Variants in CFAP99 observed in about 807,000 individuals in gnomAD.
CFAP99 encodes cilia- and flagella-associated protein 99.
Under a neutral mutation model 82.7 loss-of-function variants are expected in CFAP99, and 84 were observed. The observed-to-expected ratio is 1.02, with a 90% CI of 0.85 to 1.22. The LOEUF (loss-of-function observed/expected upper bound fraction) is 1.22, where lower values mean the gene tolerates loss of function less well. Ranked by LOEUF, CFAP99 falls within the 50% of genes most tolerant of loss-of-function variation. The pLI is 0.00. For synonymous variants in CFAP99, 456 were observed against 429.5 expected, an observed-to-expected ratio of 1.06 and a Z score of -0.76; for missense variants, 1,059 against 983.5, an observed-to-expected ratio of 1.08 and a Z score of -1.03.
intron 14 of CFAP99, among the ~76,000 whole-genome samples, chr4:2,461,419 C>CA: frequency 6.6e-6 from 1 of 152,362 alleles, no homozygotes; most frequent in South Asian, 2.1e-4. Flanking sequence ...GAGAGCCCTT[C>CA]ACTGTTGGTC....
chr4:2,441,304 C>T (rs557713253), intron 4 of CFAP99, among the ~76,000 whole-genome samples: 10 of 139,476 alleles, frequency 7.2e-5, no homozygotes, highest in Admixed American at 1.6e-4. Context: ...ACCTGGGAGG[C>T]GGAGGTTGCA....
At chr4:2,450,142 T>C (rs1578478501) in intron 8 of CFAP99, 137 bp downstream of exon 8, 3 of 861,172 alleles carry the variant, frequency 3.5e-6, no homozygotes, top group Non-Finnish European at 3.7e-6. Flanking sequence ...GGATTCCCAG[T>C]AGCACTGGGA....
At chr4:2,432,381 GT>G (rs1733817009) in intron 2 of CFAP99, among the ~76,000 whole-genome samples, 1 of 152,192 alleles carries the variant, frequency 6.6e-6, no homozygotes, top group Admixed American at 6.5e-5. Context: ...GCAAAATATG[GT>G]TTTAGCTGGA....
chr4:2,450,098 T>C (rs1005940703), intron 8 of CFAP99, 93 bp downstream of exon 8: 54 of 1,282,834 alleles, frequency 4.2e-5, no homozygotes, highest in Admixed American at 1.2e-4. Context: ...TGACCACTTA[T>C]GTAGCCTTTT....
Position 2,462,779 on chromosome 4 carries a change from T to C in CFAP99, c.1998T>C (p.Pro666=). 1 of 1,272,834 alleles carries C rather than the reference T, an allele frequency of 7.9e-7. No individual in the cohort carries two copies. 78.8% of individuals were successfully genotyped at this position (1,272,834 alleles called of 1,614,324 possible). Residue 666 remains proline, a synonymous_variant, in exon 15 of 15, where the codon CCT becomes CCC. Transcript: ENST00000635017. The surrounding 1 kb of genome is among the most constrained non-coding windows in gnomAD (Gnocchi z 4.1). Reference sequence around the variant, plus strand: ...GCGCGGGAGGCGGTGGGGGCGTCCCTGCCCGCGCCGACGCGTTCCCCGGCC... The same window carrying C: ...GCGCGGGAGGCGGTGGGGGCGTCCCCGCCCGCGCCGACGCGTTCCCCGGCC...
Position 2,462,572 on chromosome 4 carries a change from G to T in CFAP99, c.1791G>T (p.Val597=), listed in dbSNP as rs564322331. The T allele has an allele frequency of 3.5e-6, 5 of 1,437,480 alleles. No individual in the cohort carries two copies. The highest frequency in any genetic ancestry group is 6.2e-5 in the East Asian group (2 of 32,504). The allele number at this position is 1,437,480 out of a possible 1,614,324, so 89.0% of individuals were successfully genotyped here. Residue 597 remains valine (V), a synonymous_variant, in exon 15 of 15, where the codon GTG becomes GTT. Transcript: ENST00000635017. This position sits in a 1 kb window ranked among gnomAD's most constrained non-coding sequence, Gnocchi z 4.1. ...GCAGGCAGGCGGCCTTGCTGCACGT[G>T]TCGGCGCCGCGGACCGCGCGCCCCA...
Position 2,446,678 on chromosome 4 carries a change from C to A in CFAP99, c.642+1370C>A, listed in dbSNP as rs527430499. Among the ~76,000 whole-genome samples, 53 of 152,318 alleles carry A rather than the reference C, an allele frequency of 3.5e-4. 1 individual carries two copies. In the South Asian group the frequency reaches 0.011, roughly 30 times the overall value. On this transcript the variant is annotated intron_variant, in intron 6 of 14. Coordinates refer to ENST00000635017, the Ensembl canonical transcript of CFAP99. This position sits in a 1 kb window ranked among gnomAD's most constrained non-coding sequence, Gnocchi z 5.0. Reference sequence around the variant, plus strand: ...GTGCTGGGATTACAGGCGTAAGCCACCACACCTGGCCATTATTGGTCCCAT... The same window carrying A: ...GTGCTGGGATTACAGGCGTAAGCCAACACACCTGGCCATTATTGGTCCCAT...
chr4:2,426,330 G>T, intron 1 of CFAP99, 129 bp from the exon 2 acceptor site: 1 of 650,450 alleles, frequency 1.5e-6, no homozygotes, highest in African/African-American at 1.8e-5. Flanking sequence ...CCTAGCCAGG[G>T]CCCCCAGTCA....
At chr4:2,421,916 G>T (rs902659184) in intron 1 of CFAP99, among the ~76,000 whole-genome samples, 1 of 151,980 alleles carries the variant, frequency 6.6e-6, no homozygotes, top group African/African-American at 2.4e-5. Flanking sequence ...AATTAGTCGG[G>T]CGTGGTAGTA....
At chr4:2,421,347 AC>A (rs1733579616) in intron 1 of CFAP99, among the ~76,000 whole-genome samples, 1 of 104,142 alleles carries the variant, frequency 9.6e-6, no homozygotes, top group African/African-American at 3.5e-5. Flanking sequence ...TAGTCTGCCC[AC>A]CCTTTTTTTT....
In CFAP99 at chr4:2,462,420, G is replaced by A. The variant is rs545890247; in HGVS notation, c.1662-23G>A. The A allele has an allele frequency of 6.7e-5, 94 of 1,411,540 alleles. No homozygotes were observed. In the African/African-American group the frequency reaches 1.1e-3, roughly 16 times the overall value. 87.4% of individuals were successfully genotyped at this position (1,411,540 alleles called of 1,614,324 possible). On this transcript the variant is annotated intron_variant, in intron 14 of 14. Transcript: ENST00000635017. This position sits in a 1 kb window ranked among gnomAD's most constrained non-coding sequence, Gnocchi z 4.1. ...CTGGGCCTCCCGCCGGCCTGCTCCT[G>A]AGCCCGCCGCGTCGCCCGCCAGGTG...
chr4:2,421,005 A>G (rs903716000), intron 1 of CFAP99, among the ~76,000 whole-genome samples: 1 of 152,190 alleles, frequency 6.6e-6, no homozygotes, highest in Non-Finnish European at 1.5e-5. Flanking sequence ...CCATCTTTCA[A>G]TTGGGCAGCA....
chr4:2,435,237 C>T (rs1733882669), intron 2 of CFAP99, among the ~76,000 whole-genome samples: 1 of 146,810 alleles, frequency 6.8e-6, no homozygotes, highest in Admixed American at 6.9e-5. Flanking sequence ...GCGGAGGTTG[C>T]AGTGAGCTGA....
intron 4 of CFAP99, among the ~76,000 whole-genome samples, chr4:2,440,038 C>G (rs1733998391): frequency 6.6e-6 from 1 of 151,954 alleles, no homozygotes; most frequent in Non-Finnish European, 1.5e-5. Context: ...GACAGGGTTT[C>G]ACCATGTTGG....
chr4:2,426,893 C>T lies in CFAP99; in HGVS notation c.111+307C>T, dbSNP rs1011218771. ...GCCCTGGAGCGCCCCCATGCCCCAC[C>T]CCCACTTTGGGGGGCATCTTATCTC... On this transcript the variant is annotated intron_variant, in intron 2 of 14. Transcript: ENST00000635017. 18 of 317,898 alleles carry T rather than the reference C, an allele frequency of 5.7e-5. No homozygotes were observed. The Admixed American group carries it at 6.2e-4, about 11-fold the overall frequency. 19.7% of individuals were successfully genotyped at this position (317,898 alleles called of 1,614,324 possible). A position where few individuals can be genotyped will look rare whatever the true frequency, so the allele number is the denominator to read the frequency against.
rs181373713 is a variant in CFAP99, at chr4:2,446,184, C to T, written c.642+876C>T. On this transcript the variant is annotated intron_variant, in intron 6 of 14. Transcript: ENST00000635017. The surrounding 1 kb of genome is among the most constrained non-coding windows in gnomAD (Gnocchi z 5.0). ...TCTTCCCAGAGAGGCTTTTCATGAA[C>T]CCCTCAAATATGTCAGGTCCTTCAC... Among the ~76,000 whole-genome samples the T allele has an allele frequency of 1.3e-5, 2 of 152,248 alleles. No homozygotes were observed. The highest frequency in any genetic ancestry group is 2.4e-5 in the African/African-American group (1 of 41,538).
At chr4:2,443,540 G>A (rs1404906688) in intron 5 of CFAP99, among the ~76,000 whole-genome samples, 2 of 152,224 alleles carry the variant, frequency 1.3e-5, no homozygotes, top group Non-Finnish European at 2.9e-5. Context: ...CTGGCTGAGT[G>A]AATGGGGCAG....
At chr4:2,449,035 G>A (rs1044047842) in intron 6 of CFAP99, among the ~76,000 whole-genome samples, 1 of 152,126 alleles carries the variant, frequency 6.6e-6, no homozygotes, top group Non-Finnish European at 1.5e-5. Context: ...TTTGAGGTTT[G>A]GACGAGTTGA....
At chr4:2,424,930 T>C (rs1351100323) in intron 1 of CFAP99, among the ~76,000 whole-genome samples, 2 of 152,176 alleles carry the variant, frequency 1.3e-5, no homozygotes, top group African/African-American at 2.4e-5. Context: ...TCTTGTTATT[T>C]CTCTCTCTTG....
Sources: allele counts gnomAD v4.1 joint callset (sites outside exome capture counted in the v4.1 genomes callset), GRCh38; gene constraint gnomAD v4.1.1; non-coding constraint Gnocchi (gnomAD v3.1); transcripts MANE v1.5; gene names NCBI Gene and HGNC (gene_info 2026-07-23, HGNC 2026-07-21).